Variants in SYNJ1 observed in about 807,000 individuals in gnomAD.
SYNJ1 encodes the protein synaptojanin 1, also known as polyphosphatidylinositol phosphatase SYNJ1.
Under a neutral mutation model 168.2 loss-of-function variants are expected in SYNJ1, and 78 were observed. The ratio of observed to expected loss-of-function variants is 0.46; its 90% CI spans 0.39 to 0.56. The LOEUF is 0.56. Ranked by LOEUF, SYNJ1 falls within the 20% of genes least tolerant of loss-of-function variation. The pLI, the probability that SYNJ1 is intolerant of heterozygous loss-of-function variation, is 0.00. For synonymous variants in SYNJ1, 539 were observed against 548.6 expected (o/e 0.98, Z 0.24); for missense variants, 1,303 against 1,597.6 (o/e 0.82, Z 3.14).
At position 32,632,579 on chromosome 21, in the gene SYNJ1, T is replaced by C. The variant is rs531124043; in HGVS notation, c.*4-778A>G. Among the ~76,000 whole-genome samples, 42 of 148,004 alleles carry C rather than the reference T, an allele frequency of 2.8e-4. 1 individual carries two copies. In the South Asian group the frequency reaches 6.5e-3, roughly 23 times the overall value. On this transcript the variant is annotated intron_variant, in intron 32 of 32. Transcript: ENST00000674351. ...TTTTTGTATTTTAGTACAGATGGGG[T>C]TTCACTATGTTGCCCAGGCTGGTCA...
intron 31 of SYNJ1, among the ~76,000 whole-genome samples, chr21:32,636,950 C>A (rs919549915): frequency 1.3e-5 from 2 of 152,152 alleles, no homozygotes; most frequent in Non-Finnish European, 2.9e-5. Flanking sequence ...AGGGGGCACA[C>A]ACAAAGCATG....
Position 32,631,097 on chromosome 21 carries a change from T to C in SYNJ1, c.*708A>G, listed in dbSNP as rs1490168855. The C allele has an allele frequency of 6.2e-7, 1 of 1,613,856 alleles. No homozygotes were observed. The highest frequency in any genetic ancestry group is 1.7e-5 in the Admixed American group (1 of 59,978). On this transcript the variant is annotated 3_prime_UTR_variant, in exon 33 of 33. Transcript: ENST00000674351. The stretch of plus-strand genomic sequence containing the variant: ...CGGGCGGGAGCAGAGGGACAGGAGG[T>C]GGAGGAGGTCTTCTTGACGGCAACA...
chr21:32,696,248 T>C (rs988208881), intron 4 of SYNJ1, among the ~76,000 whole-genome samples: 8 of 152,234 alleles, frequency 5.3e-5, no homozygotes, highest in Admixed American at 3.9e-4. Flanking sequence ...CCACATTAGA[T>C]AGTGCAGGCA....
intron 12 of SYNJ1, among the ~76,000 whole-genome samples, chr21:32,678,012 G>A (rs997620809): frequency 6.6e-6 from 1 of 152,086 alleles, no homozygotes; most frequent in East Asian, 1.9e-4. Flanking sequence ...TGAATGTTGA[G>A]TTTTCCCGTC....
chr21:32,694,349 G>A (rs1362909879), intron 5 of SYNJ1, 38 bp from the exon 6 acceptor site: 6 of 1,477,192 alleles, frequency 4.1e-6, no homozygotes, highest in Non-Finnish European at 4.5e-6. Context: ...TATTTCCACA[G>A]AAAAGTTGTT....
intron 6 of SYNJ1, among the ~76,000 whole-genome samples, chr21:32,689,829 CTAA>C (rs966585852): frequency 2.0e-5 from 3 of 152,172 alleles, no homozygotes; most frequent in African/African-American, 7.2e-5. Flanking sequence ...ATCAATTAGC[CTAA>C]TGTCACATCT....
upstream of SYNJ1, chr21:32,728,304 T>G: frequency 2.3e-6 from 1 of 430,886 alleles, no homozygotes. Flanking sequence ...GGGGAGGGAC[T>G]CCGGAGAAAA....
intron 31 of SYNJ1, 50 bp from the exon 32 acceptor site, chr21:32,634,934 G>A (rs760890220): frequency 1.0e-5 from 16 of 1,601,298 alleles, no homozygotes; most frequent in East Asian, 4.5e-5. Flanking sequence ...AGGACAATCC[G>A]AGATCAACCA....
intron 18 of SYNJ1, among the ~76,000 whole-genome samples, chr21:32,664,444 C>T (rs898275777): frequency 1.3e-5 from 2 of 152,152 alleles, no homozygotes. Context: ...AAAAATCAAC[C>T]CTTGACCTAA....
At chr21:32,701,692 T>TC (rs1483545536) in intron 3 of SYNJ1, among the ~76,000 whole-genome samples, 1 of 152,104 alleles carries the variant, frequency 6.6e-6, no homozygotes, top group African/African-American at 2.4e-5. Context: ...GTTCTGATTT[T>TC]CTCTTTTGAC....
chr21:32,656,760 T>G lies in SYNJ1; in HGVS notation c.2722A>C (p.Asn908His). 1 of 1,614,098 alleles carries G rather than the reference T, an allele frequency of 6.2e-7. No homozygotes were observed. The highest frequency in any genetic ancestry group is 8.5e-7 in the Non-Finnish European group (1 of 1,180,010). Residue 908 changes from asparagine (N) to histidine (H), a missense_variant, in exon 21 of 33, where the codon AAT becomes CAT. Asn to His is a moderately conservative substitution (Grantham distance 68, BLOSUM62 1). Around this residue, in one of 2 missense-constraint regions of SYNJ1, gnomAD observed 920 missense variants for 1,208.8 expected, o/e 0.76. Transcript: ENST00000674351. ...VSIKSSLPEN[N>H]FFDDALIDEL... ...TCAATCAAGGCATCATCAAAAAAATTATTTTCTGGTAAAGAACTTTTGATT... is the reference window on the plus strand; with the variant it reads ...TCAATCAAGGCATCATCAAAAAAATGATTTTCTGGTAAAGAACTTTTGATT...
chr21:32,670,793 C>T (rs2041155596), intron 14 of SYNJ1: 1 of 984,894 alleles, frequency 1.0e-6, no homozygotes, highest in African/African-American at 1.7e-5. Context: ...GAATTTTTCA[C>T]ATTCATATTT....
chr21:32,637,991 G>C (rs746513879), intron 31 of SYNJ1, among the ~76,000 whole-genome samples: 1 of 152,168 alleles, frequency 6.6e-6, no homozygotes. Flanking sequence ...ACTTATAAAT[G>C]TGTTAAAGGG....
At chr21:32,634,200 A>G (rs2039463534) in intron 32 of SYNJ1, among the ~76,000 whole-genome samples, 1 of 152,190 alleles carries the variant, frequency 6.6e-6, no homozygotes, top group African/African-American at 2.4e-5. Flanking sequence ...TTATTTCAAA[A>G]TAAGTTAATT....
intron 2 of SYNJ1, among the ~76,000 whole-genome samples, chr21:32,703,612 A>G (rs969457333): frequency 6.6e-6 from 1 of 152,276 alleles, no homozygotes; most frequent in Non-Finnish European, 1.5e-5. Flanking sequence ...CATTTAAAAT[A>G]CAATCACTAA....
rs61752559 is a variant in SYNJ1 at position 32,646,543 on chromosome 21, A to G, written c.3097T>C (p.Ser1033Pro). The stretch of plus-strand genomic sequence containing the variant: ...GAAGTACCAAGGCCGGAACTTGAAG[A>G]TGGCTGGAGATGCTGAGGAAGAAGT... ...EELLPQHLQPSSSSGLGTSPS... is the reference protein window; with the variant it reads ...EELLPQHLQPPSSSGLGTSPS... Residue 1033 changes from serine to proline, a missense_variant, in exon 24 of 33, where the codon TCT becomes CCT. By Grantham distance (74) the Ser-to-Pro change is moderately conservative. This residue lies in a region of SYNJ1 where 383 missense variants were observed against 388.8 expected (regional missense o/e 0.99). Coordinates refer to ENST00000674351, the MANE Select transcript of SYNJ1 (RefSeq NM_203446.3). 7.2e-5 allele frequency: 117 copies of G among 1,614,070 alleles called. No homozygotes were observed. Among genetic ancestry groups the G allele is most frequent in the Non-Finnish European group, 8.9e-5 (105 of 1,180,046 alleles).
At chr21:32,683,964 GA>G (rs2041727860) in intron 10 of SYNJ1, 73 bp downstream of exon 10, 1 of 1,277,106 alleles carries the variant, frequency 7.8e-7, no homozygotes, top group African/African-American at 1.5e-5. Context: ...AAGGTAATAA[GA>G]AACATAAGTA....
intron 8 of SYNJ1, 125 bp downstream of exon 8, chr21:32,686,853 G>A (rs1241647613): frequency 3.7e-5 from 24 of 648,276 alleles, no homozygotes; most frequent in Non-Finnish European, 5.7e-5. Context: ...TTTCCAACAA[G>A]TACCCAACCT....
intron 14 of SYNJ1, among the ~76,000 whole-genome samples, chr21:32,670,584 T>C (rs1170896680): frequency 6.6e-6 from 1 of 152,182 alleles, no homozygotes; most frequent in Non-Finnish European, 1.5e-5. Flanking sequence ...TTTAAGACGG[T>C]TATCCTTGAA....
Sources: gnomAD v4.1 joint callset for allele counts (sites outside exome capture counted in the v4.1 genomes callset) on GRCh38, gnomAD v4.1.1 for gene constraint, gnomAD v4.1.1 regional missense constraint, MANE v1.5 for transcripts, NCBI Gene and HGNC (gene_info 2026-07-23, HGNC 2026-07-21) for gene names.